Variants in ANK3 observed in about 807,000 individuals in gnomAD.
ANK3 encodes the protein ankyrin-3.
In ANK3, 57 loss-of-function variants were observed where a neutral mutation model predicts 370.9. The ratio of observed to expected loss-of-function variants is 0.15; its 90% CI spans 0.12 to 0.19. ANK3 has a LOEUF of 0.19. Among genes scored for constraint, ANK3 ranks in the 10% least tolerant of loss-of-function variants. The pLI is 1.00. For missense variants in ANK3, 4,439 were observed against 5,302.1 expected, an observed-to-expected ratio of 0.84 and a Z score of 5.06; for synonymous variants, 1,929 against 1,946.3, an observed-to-expected ratio of 0.99 and a Z score of 0.23.
chr10:60,645,697 C>T (rs1266665366), intron 1 of ANK3, among the ~76,000 whole-genome samples: 1 of 151,770 alleles, frequency 6.6e-6, no homozygotes, highest in Non-Finnish European at 1.5e-5. Flanking sequence ...TGCACTCCAG[C>T]CTGGTCAACA....
At chr10:60,300,040 T>C (rs1033261807) in intron 1 of ANK3, among the ~76,000 whole-genome samples, 1 of 150,554 alleles carries the variant, frequency 6.6e-6, no homozygotes, top group South Asian at 2.1e-4. Flanking sequence ...AATCGCCCCC[T>C]GTCTTTTTGT....
At chr10:60,271,917 A>G (rs1350372699) in intron 4 of ANK3, among the ~76,000 whole-genome samples, 2 of 150,758 alleles carry the variant, frequency 1.3e-5, no homozygotes, top group Non-Finnish European at 1.5e-5. Context: ...TGCCAAGCTC[A>G]AGATTAGAAA....
At chr10:60,366,282 G>T (rs2059377835) in intron 1 of ANK3, among the ~76,000 whole-genome samples, 1 of 152,142 alleles carries the variant, frequency 6.6e-6, no homozygotes, top group African/African-American at 2.4e-5. Flanking sequence ...GCAGAGAGCT[G>T]AGATCATGCC....
intron 1 of ANK3, among the ~76,000 whole-genome samples, chr10:60,322,218 T>G (rs959620458): frequency 6.6e-6 from 1 of 152,220 alleles, no homozygotes; most frequent in African/African-American, 2.4e-5. Flanking sequence ...CTCACTATAC[T>G]TCTATTTATC....
chr10:60,072,292 A>T lies in ANK3; in HGVS notation c.8589T>A (p.Asn2863Lys). Residue 2863 changes from asparagine (N) to lysine (K), a missense_variant, in exon 37 of 44, where the codon AAT (asparagine) becomes AAA (lysine). Physicochemically the swap from Asn to Lys is moderately conservative, Grantham distance 94. Transcript: ENST00000280772. ...GCGAAAGTTTTTCTTTCTGAGACTT[A>T]TTGTTAGTGGCTCCCGAACTCTCCC... ...RTWESSGATN[N>K]KSQKEKLSHV... is the part of the protein sequence containing the mutation. 1 of 1,614,100 alleles carries T rather than the reference A, an allele frequency of 6.2e-7. No individual in the cohort carries two copies. Among genetic ancestry groups the T allele is most frequent in the Non-Finnish European group, 8.5e-7 (1 of 1,180,000 alleles).
At position 60,028,797 on chromosome 10, in the gene ANK3, C is replaced by T. The variant is rs1272153674; in HGVS notation, c.*1049G>A. 1 of 152,222 alleles carries T rather than the reference C, an allele frequency of 6.6e-6. No individual in the cohort carries two copies. Among genetic ancestry groups the T allele is most frequent in the Non-Finnish European group, 1.5e-5 (1 of 68,002 alleles). 9.4% of individuals were successfully genotyped at this position (152,222 alleles called of 1,614,324 possible). ...CACCTCTAAAGCGGCAAGCATTTACCCCCTTTTAAGCACTAACAGATAGCA... is the reference window on the plus strand; with the variant it reads ...CACCTCTAAAGCGGCAAGCATTTACTCCCTTTTAAGCACTAACAGATAGCA... On this transcript the variant is annotated 3_prime_UTR_variant, in exon 44 of 44. Transcript: ENST00000280772.
At chr10:60,701,679 G>A (rs1415773390) in intron 1 of ANK3, among the ~76,000 whole-genome samples, 1 of 152,142 alleles carries the variant, frequency 6.6e-6, no homozygotes, top group Admixed American at 6.6e-5. Flanking sequence ...GGAGAAAGTG[G>A]CAGACAGCCC....
At chr10:60,558,524 A>C (rs1020414307) in intron 2 of ANK3, among the ~76,000 whole-genome samples, 8 of 152,226 alleles carry the variant, frequency 5.3e-5, no homozygotes, top group African/African-American at 1.9e-4. Context: ...TGAACCGCTC[A>C]GTGCATAGTT....
chr10:60,359,002 T>A (rs2058208918), intron 1 of ANK3, among the ~76,000 whole-genome samples: 1 of 152,190 alleles, frequency 6.6e-6, no homozygotes, highest in South Asian at 2.1e-4. Flanking sequence ...ACACATTTAT[T>A]TGGACCTGCA....
At chr10:60,317,366 C>T (rs919983124) in intron 1 of ANK3, among the ~76,000 whole-genome samples, 1 of 151,950 alleles carries the variant, frequency 6.6e-6, no homozygotes, top group Non-Finnish European at 1.5e-5. Flanking sequence ...CTCAAGCTAT[C>T]CCTGGCTTTG....
At chr10:60,596,471 G>A (rs1037340537) in intron 2 of ANK3, among the ~76,000 whole-genome samples, 2 of 152,026 alleles carry the variant, frequency 1.3e-5, no homozygotes, top group South Asian at 4.2e-4. Context: ...CTTACTATAC[G>A]CTATGGTAGA....
Position 60,364,746 on chromosome 10 carries a change from C to G in ANK3, c.114+24679G>C, listed in dbSNP as rs181895215. Among the ~76,000 whole-genome samples the G allele has an allele frequency of 6.4e-3, 975 of 151,936 alleles. 11 individuals are homozygous for G. Among genetic ancestry groups the G allele is most frequent in the African/African-American group, 0.023 (935 of 41,426 alleles). ...TAAGACAATATAGCCATAGAGCCTA[C>G]TAGTAAACTGTTTCCTAATGTAATG... is the stretch of plus-strand genomic sequence containing the variant. On this transcript the variant is annotated intron_variant, in intron 1 of 43. Coordinates refer to ENST00000280772, the MANE Select transcript of ANK3 (RefSeq NM_020987.5).
intron 25 of ANK3, among the ~76,000 whole-genome samples, chr10:60,128,958 C>G (rs2093922983): frequency 6.6e-6 from 1 of 152,124 alleles, no homozygotes; most frequent in African/African-American, 2.4e-5. Flanking sequence ...CAGTTGCTTT[C>G]AATAATTACA....
intron 2 of ANK3, among the ~76,000 whole-genome samples, chr10:60,420,676 C>T (rs2063760448): frequency 1.3e-5 from 2 of 151,954 alleles, no homozygotes; most frequent in African/African-American, 4.8e-5. Flanking sequence ...TCCTGTTGTC[C>T]CCTAAATGAA....
intron 2 of ANK3, among the ~76,000 whole-genome samples, chr10:60,418,083 C>CATA (rs1175654178): frequency 1.3e-5 from 2 of 152,126 alleles, no homozygotes; most frequent in Non-Finnish European, 2.9e-5. Flanking sequence ...CTTCAGTTGT[C>CATA]AGAGCCCTAG....
intron 1 of ANK3, among the ~76,000 whole-genome samples, chr10:60,342,507 G>C (rs1226973530): frequency 6.6e-6 from 1 of 152,164 alleles, no homozygotes; most frequent in Non-Finnish European, 1.5e-5. Context: ...TCTGATAAAA[G>C]ACAATCAGTG....
intron 1 of ANK3, among the ~76,000 whole-genome samples, chr10:60,672,827 T>A (rs74155661): frequency 0.011 from 1,642 of 152,212 alleles, 26 homozygotes; most frequent in African/African-American, 0.037. Context: ...GCACTTAACC[T>A]GGAAAAGCTG....
intron 41 of ANK3, among the ~76,000 whole-genome samples, chr10:60,058,225 T>C (rs146618644): frequency 9.1e-4 from 139 of 152,324 alleles, no homozygotes; most frequent in South Asian, 9.1e-3. Flanking sequence ...GTGACATTCT[T>C]AGAGCTTAGA....
chr10:60,719,989 T>C (rs1452886753), intron 1 of ANK3, among the ~76,000 whole-genome samples: 1 of 152,188 alleles, frequency 6.6e-6, no homozygotes, highest in Non-Finnish European at 1.5e-5. Flanking sequence ...ATATCAATGA[T>C]CTCTATTTTT....
Sources: gnomAD v4.1 joint callset for allele counts (sites outside exome capture counted in the v4.1 genomes callset) on GRCh38, gnomAD v4.1.1 for gene constraint, MANE v1.5 for transcripts, NCBI Gene and HGNC (gene_info 2026-07-23, HGNC 2026-07-21) for gene names.